DIAPH3: variants seen among roughly 807,000 people sequenced by gnomAD.
DIAPH3 encodes protein diaphanous homolog 3.
Under a neutral mutation model 144.3 loss-of-function variants are expected in DIAPH3, and 117 were observed. The observed-to-expected ratio is 0.81, with a 90% CI of 0.70 to 0.95. The LOEUF is 0.95. Ranked by LOEUF, DIAPH3 falls within the 40% of genes least tolerant of loss-of-function variation. The pLI is 0.00. For synonymous variants in DIAPH3, 519 were observed against 488.9 expected, an observed-to-expected ratio of 1.06 and a Z score of -0.81; for missense variants, 1,421 against 1,412.7, an observed-to-expected ratio of 1.01 and a Z score of -0.09.
intron 17 of DIAPH3, among the ~76,000 whole-genome samples, chr13:59,937,213 A>G (rs532197124): frequency 6.6e-6 from 1 of 152,266 alleles, no homozygotes; most frequent in Admixed American, 6.5e-5. Context: ...TTTACGTATA[A>G]CATTCTCTCA....
intron 5 of DIAPH3, among the ~76,000 whole-genome samples, chr13:60,039,138 T>C (rs542270700): frequency 6.6e-6 from 1 of 152,104 alleles, no homozygotes; most frequent in South Asian, 2.1e-4. Flanking sequence ...ATCTAGTATT[T>C]AGCATACTGA....
intron 1 of DIAPH3, among the ~76,000 whole-genome samples, chr13:60,156,774 T>G (rs1244680384): frequency 6.6e-6 from 1 of 151,302 alleles, no homozygotes; most frequent in African/African-American, 2.4e-5. Flanking sequence ...CTAACAATGC[T>G]TTCTTTCTCA....
intron 4 of DIAPH3, among the ~76,000 whole-genome samples, chr13:60,091,565 T>C (rs190712878): frequency 3.9e-5 from 6 of 152,002 alleles, no homozygotes; most frequent in South Asian, 2.1e-4. Flanking sequence ...TGGAATTACA[T>C]GCGTGAGCCA....
At chr13:59,839,225 A>T in intron 23 of DIAPH3, 99 bp downstream of exon 23, 1 of 1,485,964 alleles carries the variant, frequency 6.7e-7, no homozygotes, top group Non-Finnish European at 9.2e-7. Flanking sequence ...ATTTGGCACT[A>T]CAGAATGATC....
At chr13:59,908,369 C>CAAAAAA (rs773306723) in intron 20 of DIAPH3, among the ~76,000 whole-genome samples, 2 of 41,160 alleles carry the variant, frequency 4.9e-5, no homozygotes, top group African/African-American at 9.8e-5. Flanking sequence ...GACTCTGTCT[C>CAAAAAA]AAAAAAAAAA....
rs1241602414 is a variant in DIAPH3 at position 60,015,940 on chromosome 13, C to CT, written c.743dup (p.Cys249ValfsTer18). ...GCGTATTCATCAGGGCTTTTAGACA[C>CT]TGTATGACTTTATGTTGATTTTTCT... On this transcript the variant is annotated frameshift_variant, in exon 7 of 28. Coordinates refer to ENST00000400324, the MANE Select transcript of DIAPH3 (RefSeq NM_001042517.2). LOFTEE classifies it high-confidence loss of function. The CT allele has an allele frequency of 6.2e-7, 1 of 1,613,300 alleles. No homozygotes were observed. The highest frequency in any genetic ancestry group is 1.7e-5 in the Admixed American group (1 of 60,000).
intron 3 of DIAPH3, among the ~76,000 whole-genome samples, chr13:60,094,313 C>G: frequency 6.6e-6 from 1 of 152,174 alleles, no homozygotes; most frequent in East Asian, 1.9e-4. Flanking sequence ...CTTATAAAAA[C>G]AGCTACCACC....
chr13:60,120,445 A>G (rs1049550083), intron 2 of DIAPH3, among the ~76,000 whole-genome samples: 3 of 152,220 alleles, frequency 2.0e-5, no homozygotes, highest in Admixed American at 6.5e-5. Flanking sequence ...TTTGTATTTT[A>G]CTGGAATTTA....
intron 2 of DIAPH3, among the ~76,000 whole-genome samples, chr13:60,126,632 T>C (rs914479719): frequency 6.6e-6 from 1 of 152,140 alleles, no homozygotes; most frequent in Non-Finnish European, 1.5e-5. Context: ...CTGACCAAGA[T>C]AGACCATGTT....
chr13:59,738,856 G>A (rs1486116472), intron 27 of DIAPH3, among the ~76,000 whole-genome samples: 1 of 152,090 alleles, frequency 6.6e-6, no homozygotes, highest in South Asian at 2.1e-4. Context: ...TTACCTATAT[G>A]CCTCCTTGTA....
At chr13:60,129,227 C>A (rs921120873) in intron 2 of DIAPH3, among the ~76,000 whole-genome samples, 1 of 152,118 alleles carries the variant, frequency 6.6e-6, no homozygotes, top group Non-Finnish European at 1.5e-5. Flanking sequence ...TCCCCTCACT[C>A]CCCCCTCCTC....
intron 12 of DIAPH3, among the ~76,000 whole-genome samples, chr13:59,986,934 A>G (rs1253977453): frequency 6.6e-6 from 1 of 150,434 alleles, no homozygotes; most frequent in Non-Finnish European, 1.5e-5. Flanking sequence ...TCAGGGATCT[A>G]GAACTAGAAA....
intron 3 of DIAPH3, among the ~76,000 whole-genome samples, chr13:60,098,764 G>T (rs1435902660): frequency 1.3e-5 from 2 of 152,092 alleles, no homozygotes; most frequent in African/African-American, 4.8e-5. Context: ...AAATGACACT[G>T]CAGACACAGA....
At chr13:59,900,436 C>T (rs1414179070) in intron 20 of DIAPH3, among the ~76,000 whole-genome samples, 2 of 152,008 alleles carry the variant, frequency 1.3e-5, no homozygotes, top group East Asian at 3.9e-4. Flanking sequence ...GCCAAATATC[C>T]CTCTCACCCC....
intron 20 of DIAPH3, among the ~76,000 whole-genome samples, chr13:59,891,959 C>T (rs1306771582): frequency 1.3e-5 from 2 of 151,846 alleles, no homozygotes; most frequent in South Asian, 2.1e-4. Flanking sequence ...TTATTGAACC[C>T]TTATTTATGT....
Position 60,049,805 on chromosome 13 carries a change from G to A in DIAPH3, c.496-6985C>T, listed in dbSNP as rs181904764. Among the ~76,000 whole-genome samples the A allele has an allele frequency of 2.6e-5, 4 of 152,314 alleles. No homozygotes were observed. In the East Asian group the frequency reaches 7.7e-4, roughly 29 times the overall value. On this transcript the variant is annotated intron_variant, in intron 4 of 27. Coordinates refer to ENST00000400324, the MANE Select transcript of DIAPH3 (RefSeq NM_001042517.2). Reference sequence around the variant, plus strand: ...GCCAAAACATGGTACCATCTACTTAGATGGGGGAGATAGAATAAAGAGAGT... The same window carrying A: ...GCCAAAACATGGTACCATCTACTTAAATGGGGGAGATAGAATAAAGAGAGT...
chr13:60,112,057 T>C lies in DIAPH3; in HGVS notation c.343A>G (p.Lys115Glu), dbSNP rs1012752656. ...APLEMMENFPKPLSENELLEL... is the reference protein window; with the variant it reads ...APLEMMENFPEPLSENELLEL... ...AAGAGTTCATTCTCTGACAGTGGCT[T>C]TGGAAAGTTCTCCATCATCTCTAAA... Residue 115 changes from lysine (K) to glutamate (E), a missense_variant, in exon 3 of 28, where the codon AAG (lysine) becomes GAG (glutamate). Physicochemically the swap from Lys to Glu is moderately conservative, Grantham distance 56. Transcript: ENST00000400324. The C allele has an allele frequency of 3.7e-6, 6 of 1,613,988 alleles. No individual in the cohort carries two copies. Among genetic ancestry groups the C allele is most frequent in the African/African-American group, 1.3e-5 (1 of 74,942 alleles).
chr13:60,088,910 C>T (rs564484902), intron 4 of DIAPH3, among the ~76,000 whole-genome samples: 2 of 152,156 alleles, frequency 1.3e-5, no homozygotes, highest in Non-Finnish European at 2.9e-5. Flanking sequence ...GAGTAAGCCA[C>T]CAAGCGCAGC....
chr13:59,711,433 T>C (rs927127097), intron 27 of DIAPH3, among the ~76,000 whole-genome samples: 4 of 152,078 alleles, frequency 2.6e-5, no homozygotes, highest in African/African-American at 9.7e-5. Context: ...ACTGACTCAA[T>C]GACTTCTTTT....
Sources: allele counts gnomAD v4.1 joint callset (sites outside exome capture counted in the v4.1 genomes callset), GRCh38; gene constraint gnomAD v4.1.1; transcripts MANE v1.5; gene names NCBI Gene and HGNC (gene_info 2026-07-23, HGNC 2026-07-21).